The following SMYD4 variants were observed in gnomAD, a reference collection of about 807,000 sequenced individuals.
The protein encoded by SMYD4 is SET and MYND domain containing 4, also known as protein-lysine N-methyltransferase SMYD4.
Under a neutral mutation model 72.8 loss-of-function variants are expected in SMYD4, and 68 were observed. The ratio of observed to expected loss-of-function variants is 0.93; its 90% confidence interval spans 0.77 to 1.14. The LOEUF (loss-of-function observed/expected upper bound fraction) is 1.14, where lower values mean the gene tolerates loss of function less well. SMYD4 is among the 50% of genes most tolerant of loss of function. The probability of loss-of-function intolerance (pLI) is 0.00; values close to 1 mark genes in which losing one functional copy is unlikely to be tolerated. For missense variants in SMYD4, 984 were observed against 1,003.7 expected (o/e 0.98, Z 0.27); for synonymous variants, 407 against 388.6 (o/e 1.05, Z -0.56).
chr17:1,785,153 T>C (rs547854165), intron 7 of SMYD4, among the ~76,000 whole-genome samples: 274 of 147,024 alleles, frequency 1.9e-3, no homozygotes, highest in Non-Finnish European at 2.6e-3. Flanking sequence ...CCAGGTGCGG[T>C]GGCTCACGCC....
In SMYD4 at chr17:1,800,773, G is replaced by A. The variant is rs370996540; in HGVS notation, c.621C>T (p.Ser207=). The A allele has an allele frequency of 9.9e-6, 16 of 1,614,104 alleles. 1 individual carries two copies. In the South Asian group the frequency reaches 1.4e-4, roughly 14 times the overall value. ...KMQEKDSLTE[S]FPAALAKTLE... ...GGGTTTTGGCCAGAGCTGCTGGGAAGCTTTCTGTGAGACTGTCCTTTTCTT... is the reference window on the plus strand; with the variant it reads ...GGGTTTTGGCCAGAGCTGCTGGGAAACTTTCTGTGAGACTGTCCTTTTCTT... Residue 207 remains serine, a synonymous_variant, in exon 5 of 11, where the codon AGC becomes AGT. Coordinates refer to ENST00000305513, the MANE Select transcript of SMYD4 (RefSeq NM_052928.3).
intron 5 of SMYD4, among the ~76,000 whole-genome samples, chr17:1,791,469 C>A (rs1909027161): frequency 6.8e-6 from 1 of 146,484 alleles, no homozygotes; most frequent in South Asian, 2.1e-4. Flanking sequence ...ACTAATGAAA[C>A]AGCTGCTAAT....
intron 4 of SMYD4, among the ~76,000 whole-genome samples, chr17:1,801,285 C>G (rs1387096093): frequency 6.6e-6 from 1 of 151,932 alleles, no homozygotes; most frequent in East Asian, 1.9e-4. Context: ...GTCGCCCAGG[C>G]TGGATTGCAG....
Position 1,807,020 on chromosome 17 carries a change from A to G in SMYD4, c.280-2305T>C, listed in dbSNP as rs568412195. On this transcript the variant is annotated intron_variant, in intron 3 of 10. Coordinates refer to ENST00000305513, the MANE Select transcript of SMYD4 (RefSeq NM_052928.3). ...ATTCTCCAGCCTCAGCCTCCCAAGTAGCTAGGGTTACAGGCACACGCCACC... is the reference window on the plus strand; with the variant it reads ...ATTCTCCAGCCTCAGCCTCCCAAGTGGCTAGGGTTACAGGCACACGCCACC... 2.3e-4 allele frequency among the ~76,000 whole-genome samples: 35 copies of G among 151,898 alleles called. No homozygotes were observed. The Middle Eastern group carries it at 0.01, about 44-fold the overall frequency.
At chr17:1,801,551 T>C (rs1299880949) in intron 4 of SMYD4, among the ~76,000 whole-genome samples, 2 of 145,556 alleles carry the variant, frequency 1.4e-5, no homozygotes, top group African/African-American at 2.6e-5. Context: ...CTGGATTAAA[T>C]ATTTCTATTT....
At chr17:1,781,737 G>A (rs935885669) in intron 10 of SMYD4, 19 of 195,264 alleles carry the variant, frequency 9.7e-5, no homozygotes, top group South Asian at 2.1e-4. Context: ...GTGCGACCTC[G>A]GCTCACTGCA....
chr17:1,821,566 G>A (rs1466664248), intron 2 of SMYD4, among the ~76,000 whole-genome samples: 1 of 151,954 alleles, frequency 6.6e-6, no homozygotes, highest in African/African-American at 2.4e-5. Flanking sequence ...GGGAAGAAGA[G>A]AGCAAAATTA....
chr17:1,824,108 C>T (rs1023127615), intron 2 of SMYD4, among the ~76,000 whole-genome samples: 4 of 152,084 alleles, frequency 2.6e-5, no homozygotes, highest in Admixed American at 2.6e-4. Flanking sequence ...TTTGGGAGGC[C>T]AAGGTGGATG....
chr17:1,797,242 TCG>T (rs1567772928), intron 5 of SMYD4, among the ~76,000 whole-genome samples: 1 of 152,198 alleles, frequency 6.6e-6, no homozygotes, highest in Non-Finnish European at 1.5e-5. Flanking sequence ...CTATAAAAAC[TCG>T]GTTTAGCTAA....
At chr17:1,824,991 A>G (rs1215474545) in intron 2 of SMYD4, among the ~76,000 whole-genome samples, 1 of 152,248 alleles carries the variant, frequency 6.6e-6, no homozygotes, top group East Asian at 1.9e-4. Flanking sequence ...CCACCCTGTG[A>G]GGGCTGTGCC....
chr17:1,815,062 C>CT (rs368810379), intron 2 of SMYD4, among the ~76,000 whole-genome samples: 4,068 of 146,214 alleles, frequency 0.028, 187 homozygotes, highest in African/African-American at 0.092. Context: ...AACTCAATGT[C>CT]TTTTTTTTTT....
At chr17:1,805,059 T>G (rs1025980090) in intron 3 of SMYD4, among the ~76,000 whole-genome samples, 1 of 152,048 alleles carries the variant, frequency 6.6e-6, no homozygotes, top group African/African-American at 2.4e-5. Flanking sequence ...GAAACACAAA[T>G]AGTTATAGAA....
chr17:1,808,061 C>T (rs747933041), intron 3 of SMYD4, among the ~76,000 whole-genome samples: 65 of 152,116 alleles, frequency 4.3e-4, no homozygotes, highest in Admixed American at 7.9e-4. Flanking sequence ...TAGTTCTTTC[C>T]TGGAGAACAA....
At chr17:1,813,070 C>T (rs1184257483) in intron 2 of SMYD4, among the ~76,000 whole-genome samples, 1 of 152,090 alleles carries the variant, frequency 6.6e-6, no homozygotes, top group Non-Finnish European at 1.5e-5. Context: ...TCCCGAGTAG[C>T]GGGGATTACA....
chr17:1,827,152 C>CA (rs1391401774), intron 2 of SMYD4, among the ~76,000 whole-genome samples: 2 of 148,510 alleles, frequency 1.3e-5, no homozygotes, highest in African/African-American at 5.0e-5. Context: ...GACCCTGTGT[C>CA]AAAAAAAATA....
In SMYD4 at chr17:1,799,857, C is replaced by A; in HGVS notation, c.1537G>T (p.Gly513Ter). The change falls in exon 5 of 11, where the codon GGA becomes TGA. Residue 513 changes from glycine to a stop codon, truncating the protein, a stop_gained and splice_region_variant. Transcript: ENST00000305513. LOFTEE classifies it high-confidence loss of function. The stretch of plus-strand genomic sequence containing the variant: ...GCAGGAACATCAGGTTCCCTCTTAC[C>A]TGTGTGTTGTATGGTGGTCATCGCC... ...AQAMTTIQHT[G>*]PKGSIVTDSR... The A allele has an allele frequency of 1.3e-6, 2 of 1,581,412 alleles. No individual in the cohort carries two copies. The highest frequency in any genetic ancestry group is 4.5e-5 in the East Asian group (2 of 44,354).
At position 1,783,451 on chromosome 17, in the gene SMYD4, C is replaced by A; in HGVS notation, c.2046G>T (p.Gly682=). 1.2e-6 allele frequency: 2 copies of A among 1,610,988 alleles called. No homozygotes were observed. The highest frequency in any genetic ancestry group is 1.7e-6 in the Non-Finnish European group (2 of 1,179,246). The change falls in exon 9 of 11, where the codon GGG becomes GGT. Residue 682 remains glycine (G), a synonymous_variant. Coordinates refer to ENST00000305513, the MANE Select transcript of SMYD4 (RefSeq NM_052928.3). The part of the protein sequence containing the change: ...ELERAVQRLS[G]CQRDAESFLW... ...GGAAGCTCTCGGCGTCACGCTGGCA[C>A]CCCGACAGCCGCTGAACAGCTCGCT...
intron 10 of SMYD4, chr17:1,782,200 C>T (rs1751957343): frequency 6.6e-6 from 1 of 152,128 alleles, no homozygotes; most frequent in African/African-American, 2.4e-5. Context: ...AAACAAACAA[C>T]AGCAGCAAAA....
At chr17:1,791,116 C>CAAAAAAAAAAAAA (rs56079708) in intron 5 of SMYD4, among the ~76,000 whole-genome samples, 1 of 86,648 alleles carries the variant, frequency 1.2e-5, no homozygotes. Context: ...TGGCCCGTCT[C>CAAAAAAAAAAAAA]AAAAAAAAAA....
Sources: gnomAD v4.1 joint callset for allele counts (sites outside exome capture counted in the v4.1 genomes callset) on GRCh38, gnomAD v4.1.1 for gene constraint, MANE v1.5 for transcripts, NCBI Gene and HGNC (gene_info 2026-07-23, HGNC 2026-07-21) for gene names.